The following ADCY2 variants were observed in gnomAD, a reference collection of about 807,000 sequenced individuals.
ADCY2 encodes adenylate cyclase type 2.
ADCY2 carries 31 observed loss-of-function variants against 125.2 expected under a neutral mutation model. The ratio of observed to expected loss-of-function variants is 0.25; its 90% CI spans 0.19 to 0.33. The LOEUF (loss-of-function observed/expected upper bound fraction) is 0.33. Ranked by LOEUF, ADCY2 falls within the 10% of genes least tolerant of loss-of-function variation. ADCY2 has a pLI of 1.00. For synonymous variants in ADCY2, 512 were observed against 548.4 expected (o/e 0.93, Z 0.93); for missense variants, 904 against 1,418.2 (o/e 0.64, Z 5.82).
intron 2 of ADCY2, among the ~76,000 whole-genome samples, chr5:7,435,179 C>T (rs1210392915): frequency 2.6e-5 from 4 of 152,166 alleles, no homozygotes; most frequent in Non-Finnish European, 4.4e-5. Flanking sequence ...GGCTATGTTA[C>T]GTGAAGATTC....
At chr5:7,788,170 T>C (rs2126503016) in intron 19 of ADCY2, among the ~76,000 whole-genome samples, 1 of 152,302 alleles carries the variant, frequency 6.6e-6, no homozygotes, top group East Asian at 1.9e-4. Context: ...AACAAACTTT[T>C]ATTTTTGGGG....
intron 22 of ADCY2, among the ~76,000 whole-genome samples, chr5:7,807,937 A>G (rs756744249): frequency 2.0e-5 from 3 of 151,880 alleles, no homozygotes; most frequent in African/African-American, 4.8e-5. Flanking sequence ...TAGCAGCACC[A>G]CCTGTGGTGG....
intron 3 of ADCY2, among the ~76,000 whole-genome samples, chr5:7,595,950 T>A (rs1436741458): frequency 6.6e-6 from 1 of 152,172 alleles, no homozygotes; most frequent in Non-Finnish European, 1.5e-5. Context: ...TCCACAGATG[T>A]GGAACCCATG....
At chr5:7,542,196 C>T (rs1285166325) in intron 3 of ADCY2, among the ~76,000 whole-genome samples, 1 of 152,116 alleles carries the variant, frequency 6.6e-6, no homozygotes, top group Non-Finnish European at 1.5e-5. Context: ...CCTGATGTTC[C>T]AAATGGTCCA....
intron 22 of ADCY2, among the ~76,000 whole-genome samples, chr5:7,812,300 T>C (rs1744969585): frequency 6.6e-6 from 1 of 152,220 alleles, no homozygotes. Flanking sequence ...AATTTCCTTC[T>C]GCTCTCATGC....
intron 3 of ADCY2, among the ~76,000 whole-genome samples, chr5:7,610,900 T>G (rs940533446): frequency 6.6e-6 from 1 of 152,236 alleles, no homozygotes; most frequent in Non-Finnish European, 1.5e-5. Flanking sequence ...AAATGCATAA[T>G]CTAAAATCAA....
chr5:7,816,901 G>T lies in ADCY2; in HGVS notation c.2919G>T (p.Met973Ile). The change falls in exon 23 of 25, where the codon ATG (methionine) becomes ATT (isoleucine). Residue 973 changes from methionine (M) to isoleucine (I), a missense_variant. By Grantham distance (10) the Met-to-Ile change is conservative. This residue lies in a region of ADCY2 where 181 missense variants were observed against 381.6 expected (regional missense o/e 0.47). Coordinates refer to ENST00000338316, the MANE Select transcript of ADCY2 (RefSeq NM_020546.3). ...PERQYMHIGT[M>I]VEFAFALVGK... ...GGCAGTACATGCACATTGGCACCAT[G>T]GTGGAGTTTGCTTTTGCCCTGGTAG... 1 of 1,614,182 alleles carries T rather than the reference G, an allele frequency of 6.2e-7. No homozygotes were observed. Among genetic ancestry groups the T allele is most frequent in the Non-Finnish European group, 8.5e-7 (1 of 1,180,028 alleles).
intron 4 of ADCY2, among the ~76,000 whole-genome samples, chr5:7,648,197 T>G (rs1738966922): frequency 6.6e-6 from 1 of 152,206 alleles, no homozygotes; most frequent in South Asian, 2.1e-4. Flanking sequence ...GACTGTAATT[T>G]TCAGGTATTT....
At chr5:7,589,458 A>AAGAG (rs1554022171) in intron 3 of ADCY2, among the ~76,000 whole-genome samples, 1 of 72,932 alleles carries the variant, frequency 1.4e-5, no homozygotes, top group Non-Finnish European at 2.8e-5. Flanking sequence ...GAAGGAAAGA[A>AAGAG]AAAGAAAGAA....
At chr5:7,635,770 T>G (rs1288904795) in intron 4 of ADCY2, among the ~76,000 whole-genome samples, 1 of 152,166 alleles carries the variant, frequency 6.6e-6, no homozygotes, top group African/African-American at 2.4e-5. Flanking sequence ...TGAGCAGGAA[T>G]AGAGGAAGAT....
At chr5:7,553,618 C>T (rs561402238) in intron 3 of ADCY2, among the ~76,000 whole-genome samples, 1 of 152,330 alleles carries the variant, frequency 6.6e-6, no homozygotes, top group South Asian at 2.1e-4. Context: ...AGAGAAGCAT[C>T]ACCAAGACCC....
At chr5:7,701,099 A>ATT (rs201712615) in intron 7 of ADCY2, among the ~76,000 whole-genome samples, 1 of 150,438 alleles carries the variant, frequency 6.6e-6, no homozygotes, top group African/African-American at 2.4e-5. Flanking sequence ...AAAAAAATAT[A>ATT]TTTTTTTTTT....
At chr5:7,734,965 C>T (rs1742204771) in intron 14 of ADCY2, among the ~76,000 whole-genome samples, 1 of 152,168 alleles carries the variant, frequency 6.6e-6, no homozygotes, top group Non-Finnish European at 1.5e-5. Context: ...AGCCAATTCT[C>T]ATAAGGGCAC....
At chr5:7,589,488 A>AAGAAAG (rs1561112447) in intron 3 of ADCY2, among the ~76,000 whole-genome samples, 2 of 65,048 alleles carry the variant, frequency 3.1e-5, no homozygotes, top group Non-Finnish European at 8.0e-5. Flanking sequence ...GAAAGAAAGA[A>AAGAAAG]AGAAAGAAAG....
Position 7,712,866 on chromosome 5 carries a change from T to C in ADCY2, c.1589T>C (p.Met530Thr). The change falls in exon 11 of 25, where the codon ATG (methionine) becomes ACG (threonine). Residue 530 changes from methionine (M) to threonine (T), a missense_variant. By Grantham distance (81) the Met-to-Thr change is moderately conservative. This residue lies in a region of ADCY2 where 144 missense variants were observed against 227.7 expected (regional missense o/e 0.63). Transcript: ENST00000338316. The part of the protein sequence containing the change: ...NGKISTTDVP[M>T]GQHNFQNRTL... ...TTTTTCTCAATATAGGATGTACCCA[T>C]GGGTCAGCATAATTTTCAAAATCGC... The C allele has an allele frequency of 6.2e-7, 1 of 1,609,118 alleles. No individual in the cohort carries two copies. Among genetic ancestry groups the C allele is most frequent in the East Asian group, 2.2e-5 (1 of 44,792 alleles).
At chr5:7,669,250 A>G (rs1000513276) in intron 4 of ADCY2, among the ~76,000 whole-genome samples, 4 of 152,248 alleles carry the variant, frequency 2.6e-5, no homozygotes, top group Admixed American at 2.0e-4. Context: ...CTCTAAACTA[A>G]TAAATACTTA....
At chr5:7,594,415 TTTG>T (rs1355390446) in intron 3 of ADCY2, among the ~76,000 whole-genome samples, 1 of 152,182 alleles carries the variant, frequency 6.6e-6, no homozygotes, top group Admixed American at 6.5e-5. Context: ...CAGGTCAACC[TTTG>T]AAAGTAAAGG....
intron 3 of ADCY2, among the ~76,000 whole-genome samples, chr5:7,583,960 A>G (rs1485083353): frequency 6.6e-6 from 1 of 152,134 alleles, no homozygotes; most frequent in African/African-American, 2.4e-5. Context: ...GCTAAATGAA[A>G]GGAAGCCCAA....
chr5:7,535,131 C>T, intron 3 of ADCY2, among the ~76,000 whole-genome samples: 2 of 152,190 alleles, frequency 1.3e-5, no homozygotes, highest in Non-Finnish European at 2.9e-5. Flanking sequence ...ACCTCCGCCT[C>T]TCAGGTACAA....
Sources: allele counts gnomAD v4.1 joint callset (sites outside exome capture counted in the v4.1 genomes callset), GRCh38; gene constraint gnomAD v4.1.1; regional missense constraint gnomAD v4.1.1; transcripts MANE v1.5; gene names NCBI Gene and HGNC (gene_info 2026-07-23, HGNC 2026-07-21).